FAM193B: variants seen among roughly 807,000 people sequenced by gnomAD.
FAM193B encodes the protein protein FAM193B.
A neutral mutation model predicts 70.7 loss-of-function variants in FAM193B; 27 were observed. The observed-to-expected ratio is 0.38, with a 90% confidence interval of 0.28 to 0.53. The LOEUF is 0.53. Ranked by LOEUF, FAM193B falls within the 20% of genes least tolerant of loss-of-function variation. FAM193B has a pLI of 0.81. For missense variants in FAM193B, 1,022 were observed against 1,072.5 expected, an observed-to-expected ratio of 0.95 and a Z score of 0.66; for synonymous variants, 448 against 436.0, an observed-to-expected ratio of 1.03 and a Z score of -0.34.
intron 5 of FAM193B, among the ~76,000 whole-genome samples, chr5:177,526,308 G>C (rs1762589256): frequency 6.6e-6 from 1 of 152,176 alleles, no homozygotes; most frequent in Non-Finnish European, 1.5e-5. Context: ...CTACATTCCA[G>C]GGTCAGTATG....
chr5:177,524,406 C>T lies in FAM193B; in HGVS notation c.2075G>A (p.Gly692Glu), dbSNP rs1372930713. The change falls in exon 6 of 9, where the codon GGG becomes GAG. Residue 692 changes from glycine (G) to glutamate (E), a missense_variant. Transcript: ENST00000514747. ...TGGTCCTGGCCGGCTCCCCCGGCTC[C>T]CCTCTCCAGCCTCAGCACAGCTGCC... ...KVGSCAEAGE[G>E]SRGSRPGPGW... 6.3e-7 allele frequency: 1 copy of T among 1,583,380 alleles called. No individual in the cohort carries two copies. The highest frequency in any genetic ancestry group is 1.1e-5 in the South Asian group (1 of 87,370).
intron 3 of FAM193B, among the ~76,000 whole-genome samples, chr5:177,536,982 GC>G (rs564782964): frequency 8.9e-4 from 135 of 152,346 alleles, no homozygotes; most frequent in Non-Finnish European, 8.1e-4. Context: ...AAGGCCCCAT[GC>G]CTTTTCTGCA....
intron 4 of FAM193B, among the ~76,000 whole-genome samples, chr5:177,534,756 C>A (rs1763978114): frequency 6.6e-6 from 1 of 152,170 alleles, no homozygotes; most frequent in African/African-American, 2.4e-5. Context: ...GTAGCTGGAA[C>A]TAGAGGCATG....
At chr5:177,531,840 A>C in intron 5 of FAM193B, 1 of 1,141,618 alleles carries the variant, frequency 8.8e-7, no homozygotes, top group Non-Finnish European at 1.1e-6. Flanking sequence ...CAATTTTGTC[A>C]TCTCTAAAAT....
intron 7 of FAM193B, 115 bp downstream of exon 7, chr5:177,523,842 A>G (rs1762149331): frequency 7.6e-6 from 9 of 1,187,390 alleles, no homozygotes; most frequent in South Asian, 6.6e-5. Flanking sequence ...AGCCTCCCCA[A>G]GGGGTCAGGG....
rs1763666948 is a variant in FAM193B at position 177,532,714 on chromosome 5, C to G, written c.1077-73G>C. The G allele has an allele frequency of 1.5e-6, 2 of 1,376,694 alleles. No homozygotes were observed. Among genetic ancestry groups the G allele is most frequent in the East Asian group, 2.7e-5 (1 of 37,710 alleles). 85.3% of individuals were successfully genotyped at this position (1,376,694 alleles called of 1,614,324 possible). A position where few individuals can be genotyped will look rare whatever the true frequency, so the allele number is the denominator to read the frequency against. ...ACCCAGGAAGCATCCCAACCACCAC[C>G]TGCCATCCTGACCGCCCTTCACTTG... On this transcript the variant is annotated intron_variant, in intron 4 of 8. Transcript: ENST00000514747. This position sits in a 1 kb window ranked among gnomAD's most constrained non-coding sequence, Gnocchi z 4.9.
chr5:177,527,779 C>T (rs538556041), intron 5 of FAM193B, among the ~76,000 whole-genome samples: 12 of 152,312 alleles, frequency 7.9e-5, no homozygotes, highest in Middle Eastern at 6.8e-3. Context: ...ACTCCCCAGG[C>T]GGGCGCCCAG....
Position 177,526,445 on chromosome 5 carries a change from G to C in FAM193B, c.1276-1240C>G, listed in dbSNP as rs1762611013. On this transcript the variant is annotated intron_variant, in intron 5 of 8. Transcript: ENST00000514747. ...CATTTCTAGCTGTGAGTAGGGCTCA[G>C]AGGCCCTGGGTTGGACCAACGAGGA... Among the ~76,000 whole-genome samples, 2 of 152,024 alleles carry C rather than the reference G, an allele frequency of 1.3e-5. 1 individual carries two copies. The highest frequency in any genetic ancestry group is 4.8e-5 in the African/African-American group (2 of 41,372).
chr5:177,528,335 A>AGTG (rs1213793699), intron 5 of FAM193B, among the ~76,000 whole-genome samples: 2 of 152,222 alleles, frequency 1.3e-5, no homozygotes, highest in African/African-American at 4.8e-5. Flanking sequence ...AAGGGAAGAC[A>AGTG]GTGAATGCAG....
chr5:177,531,457 G>A, intron 5 of FAM193B: 1 of 1,363,016 alleles, frequency 7.3e-7, no homozygotes, highest in South Asian at 1.1e-5. Flanking sequence ...TTTCCGCCTG[G>A]TCAGCCTCGA....
In FAM193B at chr5:177,538,048, G is replaced by A; in HGVS notation, c.513C>T (p.Ser171=). The A allele has an allele frequency of 6.4e-7, 1 of 1,552,844 alleles. No individual in the cohort carries two copies. The highest frequency in any genetic ancestry group is 8.7e-7 in the Non-Finnish European group (1 of 1,147,476). ...ATGAGGATGATGAGGAGGAAGACGA[G>A]GACGAATGAGAGTCATCTCCACAAG... ...SQSCGDDSHS[S]SSSSSSSSSS... is the part of the protein sequence containing the mutation. The change falls in exon 3 of 9, where the codon TCC becomes TCT. Residue 171 remains serine (S), a synonymous_variant. Transcript: ENST00000514747. This position sits in a 1 kb window ranked among gnomAD's most constrained non-coding sequence, Gnocchi z 4.1.
intron 5 of FAM193B, among the ~76,000 whole-genome samples, chr5:177,529,598 G>A (rs28473373): frequency 6.6e-6 from 1 of 152,158 alleles, no homozygotes; most frequent in Non-Finnish European, 1.5e-5. Context: ...TGGGAGTACA[G>A]TGGAAGTTAC....
intron 1 of FAM193B, chr5:177,539,460 C>T (rs1764585283): frequency 7.0e-6 from 2 of 285,608 alleles, no homozygotes; most frequent in Non-Finnish European, 1.3e-5. Context: ...ATCCCCAAAT[C>T]TTAAAGGTTA....
rs1157171221 is a variant in FAM193B, at chr5:177,538,328, G to A, written c.454-221C>T. Among the ~76,000 whole-genome samples the A allele has an allele frequency of 6.6e-6, 1 of 152,232 alleles. No individual in the cohort carries two copies. Among genetic ancestry groups the A allele is most frequent in the Non-Finnish European group, 1.5e-5 (1 of 68,046 alleles). On this transcript the variant is annotated intron_variant, in intron 2 of 8. Transcript: ENST00000514747. This position sits in a 1 kb window ranked among gnomAD's most constrained non-coding sequence, Gnocchi z 4.1. ...CTTACATGCAATGTGTGGAGACTGG[G>A]GAGAGAGACTCTGGTAGGGGCAGAG...
intron 4 of FAM193B, among the ~76,000 whole-genome samples, chr5:177,535,397 G>T (rs2127468949): frequency 6.6e-6 from 1 of 152,362 alleles, no homozygotes; most frequent in Admixed American, 6.5e-5. Flanking sequence ...TAGGAAGATA[G>T]AAATGCATGA....
chr5:177,544,079 A>T (rs538142110), intron 1 of FAM193B, among the ~76,000 whole-genome samples: 1 of 152,350 alleles, frequency 6.6e-6, no homozygotes, highest in African/African-American at 2.4e-5. Context: ...TGGGGGTTCT[A>T]CTGATTTGGG....
Position 177,525,175 on chromosome 5 carries a change from C to T in FAM193B, c.1306G>A (p.Ala436Thr), listed in dbSNP as rs1430423460. Reference sequence around the variant, plus strand: ...GAAACACGATTTGCCTGCTTTAGAGCTTCTGCTGCCAACTGGGCCTTCTCC... The same window carrying T: ...GAAACACGATTTGCCTGCTTTAGAGTTTCTGCTGCCAACTGGGCCTTCTCC... The part of the protein sequence containing the change: ...EKEKAQLAAE[A>T]LKQANRVSGS... The change falls in exon 6 of 9, where the codon GCT (alanine) becomes ACT (threonine). Residue 436 changes from alanine to threonine, a missense_variant. Ala to Thr is a moderately conservative substitution (Grantham distance 58). Transcript: ENST00000514747. The T allele has an allele frequency of 6.7e-7, 1 of 1,481,570 alleles. No homozygotes were observed. The highest frequency in any genetic ancestry group is 9.0e-7 in the Non-Finnish European group (1 of 1,114,196). 91.8% of individuals were successfully genotyped at this position (1,481,570 alleles called of 1,614,324 possible).
At chr5:177,549,255 C>T (rs777955979) in intron 1 of FAM193B, among the ~76,000 whole-genome samples, 28 of 142,840 alleles carry the variant, frequency 2.0e-4, no homozygotes, top group Admixed American at 7.4e-5. Flanking sequence ...TGCAGTGGCG[C>T]GATCTTGGCT....
In FAM193B at chr5:177,521,874, A is replaced by G. The variant is rs764781687; in HGVS notation, c.*1+100T>C. 1.1e-4 allele frequency: 101 copies of G among 903,720 alleles called. 1 individual carries two copies. Among genetic ancestry groups the G allele is most frequent in the Non-Finnish European group, 1.7e-4 (94 of 559,018 alleles). The allele number at this position is 903,720 out of a possible 1,614,324, so 56.0% of individuals were successfully genotyped here. On this transcript the variant is annotated intron_variant, in intron 8 of 8. Coordinates refer to ENST00000514747, the MANE Select transcript of FAM193B (RefSeq NM_001190946.3). Reference sequence around the variant, plus strand: ...CCAGGGATCCCATGCCCCAAGTCCAACTCCCTGTGCCCCAGAGCACAGAAT... The same window carrying G: ...CCAGGGATCCCATGCCCCAAGTCCAGCTCCCTGTGCCCCAGAGCACAGAAT...
Sources: allele counts gnomAD v4.1 joint callset (sites outside exome capture counted in the v4.1 genomes callset), GRCh38; gene constraint gnomAD v4.1.1; non-coding constraint Gnocchi (gnomAD v3.1); transcripts MANE v1.5; gene names NCBI Gene and HGNC (gene_info 2026-07-23, HGNC 2026-07-21).